GTPBP10: variants seen among roughly 807,000 people sequenced by gnomAD.
The protein encoded by GTPBP10 is GTP binding protein 10.
A neutral mutation model predicts 44.8 loss-of-function variants in GTPBP10; 38 were observed. That is an observed-to-expected ratio of 0.85 (90% CI 0.65 to 1.11). The LOEUF (loss-of-function observed/expected upper bound fraction) is 1.11, where lower values mean the gene tolerates loss of function less well. Ranked by LOEUF, GTPBP10 falls within the 50% of genes most tolerant of loss-of-function variation. The pLI is 0.00. For synonymous variants in GTPBP10, 152 were observed against 150.6 expected, an observed-to-expected ratio of 1.01 and a Z score of -0.07; for missense variants, 462 against 453.7, an observed-to-expected ratio of 1.02 and a Z score of -0.17.
chr7:90,351,390 G>A (rs1170640214), intron 1 of GTPBP10, among the ~76,000 whole-genome samples: 1 of 151,932 alleles, frequency 6.6e-6, no homozygotes, highest in Admixed American at 6.6e-5. Flanking sequence ...GACCAGCCTG[G>A]GCAACATAGC....
intron 4 of GTPBP10, among the ~76,000 whole-genome samples, chr7:90,368,790 C>G (rs1796189921): frequency 6.6e-6 from 1 of 152,220 alleles, no homozygotes; most frequent in African/African-American, 2.4e-5. Flanking sequence ...AAGTCTACTT[C>G]TGTTAATTTG....
At chr7:90,357,313 A>G (rs1468466532) in intron 4 of GTPBP10, among the ~76,000 whole-genome samples, 2 of 152,176 alleles carry the variant, frequency 1.3e-5, no homozygotes, top group Admixed American at 6.5e-5. Flanking sequence ...AAATATGAGG[A>G]TGTTGGAAAC....
intron 5 of GTPBP10, among the ~76,000 whole-genome samples, chr7:90,373,753 A>G (rs11563897): frequency 0.021 from 3,174 of 152,348 alleles, 57 homozygotes; most frequent in Middle Eastern, 0.071. Flanking sequence ...CACTCACCTT[A>G]AAGTGCAATA....
rs569940251 is a variant in GTPBP10, at chr7:90,377,502, A to T, written c.592-5A>T. On this transcript the variant is annotated splice_region_variant and splice_polypyrimidine_tract_variant and intron_variant, in intron 6 of 9. Coordinates refer to ENST00000222511, the MANE Select transcript of GTPBP10 (RefSeq NM_033107.4). ...TTTTTCATTAACCATTTAACTTTGT[A>T]TTAGATATCAGTAGCTGATCTTCCG... 2.5e-6 allele frequency: 4 copies of T among 1,584,752 alleles called. No homozygotes were observed. The East Asian group carries it at 9.0e-5, about 36-fold the overall frequency.
intron 4 of GTPBP10, among the ~76,000 whole-genome samples, chr7:90,355,766 G>A (rs2115628290): frequency 6.6e-6 from 1 of 152,276 alleles, no homozygotes; most frequent in South Asian, 2.1e-4. Flanking sequence ...CCTCTGCTTA[G>A]GATCTATCTA....
chr7:90,346,899 C>A, intron 1 of GTPBP10, 125 bp downstream of exon 1: 2 of 1,007,844 alleles, frequency 2.0e-6, no homozygotes, highest in Non-Finnish European at 3.1e-6. Flanking sequence ...CCATAGACTT[C>A]TCCGCCCCTC....
intron 8 of GTPBP10, among the ~76,000 whole-genome samples, chr7:90,382,393 C>T (rs1388752234): frequency 6.6e-6 from 1 of 152,124 alleles, no homozygotes; most frequent in African/African-American, 2.4e-5. Context: ...GCTGAGATTA[C>T]AGGCATGAGC....
chr7:90,381,330 C>T (rs1364487062), intron 8 of GTPBP10, among the ~76,000 whole-genome samples: 1 of 152,138 alleles, frequency 6.6e-6, no homozygotes, highest in Non-Finnish European at 1.5e-5. Flanking sequence ...AGCCATCCTT[C>T]CAAGTGTGAG....
At chr7:90,380,074 C>CT (rs58735928) in intron 8 of GTPBP10, among the ~76,000 whole-genome samples, 3,331 of 104,384 alleles carry the variant, frequency 0.032, 173 homozygotes, top group Non-Finnish European at 0.046. Flanking sequence ...AGTCCCTTCT[C>CT]TTTTTTTTTT....
intron 1 of GTPBP10, among the ~76,000 whole-genome samples, chr7:90,349,139 A>G (rs1193891829): frequency 1.3e-5 from 2 of 152,170 alleles, no homozygotes; most frequent in African/African-American, 2.4e-5. Context: ...CACCTGGACA[A>G]AGTTTTCTCC....
chr7:90,366,838 G>A (rs1796144920), intron 4 of GTPBP10, among the ~76,000 whole-genome samples: 1 of 151,860 alleles, frequency 6.6e-6, no homozygotes, highest in South Asian at 2.1e-4. Flanking sequence ...GCTCTTGAAT[G>A]TGTTTGCTCC....
chr7:90,352,250 A>G (rs961011940), intron 1 of GTPBP10, among the ~76,000 whole-genome samples: 1 of 152,190 alleles, frequency 6.6e-6, no homozygotes, highest in African/African-American at 2.4e-5. Context: ...TATGTAAACC[A>G]TGGTTCTGTT....
intron 4 of GTPBP10, among the ~76,000 whole-genome samples, chr7:90,366,199 C>T (rs573929599): frequency 7.2e-5 from 11 of 151,952 alleles, no homozygotes; most frequent in Middle Eastern, 3.4e-3. Flanking sequence ...CATTGATGTT[C>T]GTCAGGGATA....
intron 5 of GTPBP10, 104 bp downstream of exon 5, chr7:90,372,332 C>T (rs112792641): frequency 1.2e-6 from 1 of 835,954 alleles, no homozygotes; most frequent in Non-Finnish European, 1.8e-6. Context: ...GTATCCTTAA[C>T]TGAAAAATTT....
chr7:90,365,623 A>G (rs6955618), intron 4 of GTPBP10, among the ~76,000 whole-genome samples: 101,852 of 151,628 alleles, frequency 0.67, 34,486 homozygotes, highest in East Asian at 0.74. Context: ...TGATCCGCCC[A>G]CCTCGGCCTC....
intron 4 of GTPBP10, among the ~76,000 whole-genome samples, chr7:90,364,608 G>T (rs984147592): frequency 3.9e-5 from 6 of 152,168 alleles, no homozygotes; most frequent in Non-Finnish European, 8.8e-5. Context: ...CAGTCTGTCC[G>T]TTCTCAGTTC....
intron 2 of GTPBP10, among the ~76,000 whole-genome samples, chr7:90,353,944 T>G (rs1248386976): frequency 6.6e-6 from 1 of 151,898 alleles, no homozygotes. Context: ...CTCCCACCTC[T>G]GCCTCCCAAG....
chr7:90,385,169 G>T lies in GTPBP10; in HGVS notation c.*15G>T. The T allele has an allele frequency of 6.5e-7, 1 of 1,547,606 alleles. No homozygotes were observed. The highest frequency in any genetic ancestry group is 8.8e-7 in the Non-Finnish European group (1 of 1,135,270). ...ATATAATTTAAATATATTAAAAATG[G>T]TATTGATGGAACAGTATTTAATGCT... On this transcript the variant is annotated 3_prime_UTR_variant, in exon 10 of 10. Transcript: ENST00000222511.
chr7:90,350,211 T>C (rs919904409), intron 1 of GTPBP10, among the ~76,000 whole-genome samples: 8 of 152,206 alleles, frequency 5.3e-5, no homozygotes, highest in Non-Finnish European at 1.0e-4. Context: ...AGAATGATGG[T>C]TTCCAGCTGC....
Sources: allele counts gnomAD v4.1 joint callset (sites outside exome capture counted in the v4.1 genomes callset), GRCh38; gene constraint gnomAD v4.1.1; transcripts MANE v1.5; gene names NCBI Gene and HGNC (gene_info 2026-07-23, HGNC 2026-07-21).